TUBGCP2: variants seen among roughly 807,000 people sequenced by gnomAD.
TUBGCP2 encodes the protein tubulin gamma complex component 2.
TUBGCP2 carries 55 observed loss-of-function variants against 92.2 expected under a neutral mutation model. That is an observed-to-expected ratio of 0.60 (90% confidence interval 0.48 to 0.75). The LOEUF (loss-of-function observed/expected upper bound fraction) is 0.75, where lower values mean the gene tolerates loss of function less well. Among genes scored for constraint, TUBGCP2 ranks in the 30% least tolerant of loss-of-function variants. The probability of loss-of-function intolerance (pLI) is 0.00; values close to 1 mark genes in which losing one functional copy is unlikely to be tolerated. For synonymous variants in TUBGCP2, 533 were observed against 505.2 expected, an observed-to-expected ratio of 1.06 and a Z score of -0.74; for missense variants, 1,093 against 1,188.9, an observed-to-expected ratio of 0.92 and a Z score of 1.19.
intron 13 of TUBGCP2, 44 bp from the exon 14 acceptor site, chr10:133,284,046 C>T: frequency 6.3e-7 from 1 of 1,598,314 alleles, no homozygotes; most frequent in South Asian, 1.1e-5. Flanking sequence ...AGGACGCGGC[C>T]CCGACAGCGC....
chr10:133,307,750 GA>G (rs1209017479), intron 1 of TUBGCP2, among the ~76,000 whole-genome samples: 1 of 151,836 alleles, frequency 6.6e-6, no homozygotes, highest in African/African-American at 2.4e-5. Context: ...ATCTCCAAAA[GA>G]AAAAAAGAGA....
intron 4 of TUBGCP2, 146 bp from the exon 5 acceptor site, chr10:133,298,257 A>C: frequency 2.2e-6 from 2 of 889,830 alleles, no homozygotes; most frequent in Non-Finnish European, 1.7e-6. Flanking sequence ...TAGAAATGAA[A>C]TGCGCCTCGA....
At chr10:133,312,031 A>G (rs1848002171), upstream of TUBGCP2, 3 of 1,532,906 alleles carry the variant, frequency 2.0e-6, no homozygotes, top group East Asian at 4.7e-5. Context: ...TTTCTCTCGC[A>G]TACTCTGTTT....
chr10:133,293,229 T>C lies in TUBGCP2; in HGVS notation c.834A>G (p.Glu278=), dbSNP rs111387511. 111 of 1,613,222 alleles carry C rather than the reference T, an allele frequency of 6.9e-5. No individual in the cohort carries two copies. The highest frequency in any genetic ancestry group is 7.5e-5 in the Non-Finnish European group (89 of 1,179,806). The stretch of plus-strand genomic sequence containing the variant: ...GCCCGTACTCGAAGGAAGACTTCTC[T>C]TCAATGAACCTGGAAGAAAAGCTGT... ...ASYSAVTRFI[E]EKSSFEYGQV... Residue 278 remains glutamate, a synonymous_variant, in exon 7 of 18, where the codon GAA becomes GAG. Transcript: ENST00000252936.
Position 133,281,393 on chromosome 10 carries a change from A to G in TUBGCP2, c.2453T>C (p.Phe818Ser). The G allele has an allele frequency of 6.2e-7, 1 of 1,613,754 alleles. No individual in the cohort carries two copies. Among genetic ancestry groups the G allele is most frequent in the African/African-American group, 1.3e-5 (1 of 75,052 alleles). Reference sequence around the variant, plus strand: ...GTCAAACTTGTTGATGGTGGCCTCGAAGCCGGACACCAGCTGCACAGTGTC... The same window carrying G: ...GTCAAACTTGTTGATGGTGGCCTCGGAGCCGGACACCAGCTGCACAGTGTC... The part of the protein sequence containing the change: ...HADTVQLVSG[F>S]EATINKFDKN... The change falls in exon 17 of 18, where the codon TTC (phenylalanine) becomes TCC (serine). Residue 818 changes from phenylalanine to serine, a missense_variant. By Grantham distance (155) the Phe-to-Ser change is radical. Coordinates refer to ENST00000252936, the MANE Select transcript of TUBGCP2 (RefSeq NM_006659.4).
At position 133,279,446 on chromosome 10, in the gene TUBGCP2, C is replaced by G. The variant is rs1846909373; in HGVS notation, c.*320G>C. 1 of 322,428 alleles carries G rather than the reference C, an allele frequency of 3.1e-6. No homozygotes were observed. Among genetic ancestry groups the G allele is most frequent in the Non-Finnish European group, 5.7e-6 (1 of 175,548 alleles). The allele number at this position is 322,428 out of a possible 1,614,324, so 20.0% of individuals were successfully genotyped here. ...AAAGATGTGGACACCAGGCCTGGATCTTACCCCACATGCATCTTTGCTTGC... is the reference window on the plus strand; with the variant it reads ...AAAGATGTGGACACCAGGCCTGGATGTTACCCCACATGCATCTTTGCTTGC... On this transcript the variant is annotated 3_prime_UTR_variant, in exon 18 of 18. Coordinates refer to ENST00000252936, the MANE Select transcript of TUBGCP2 (RefSeq NM_006659.4).
intron 13 of TUBGCP2, among the ~76,000 whole-genome samples, chr10:133,284,689 G>A (rs190713560): frequency 7.2e-5 from 11 of 152,164 alleles, no homozygotes; most frequent in African/African-American, 1.9e-4. Context: ...CTCTGCCATC[G>A]ACCCCTTTTT....
upstream of TUBGCP2, chr10:133,309,888 C>T (rs1472442670): frequency 5.6e-6 from 9 of 1,613,762 alleles, no homozygotes; most frequent in Non-Finnish European, 7.6e-6. Flanking sequence ...CTTTTGCAAG[C>T]GGGCCTTCCC....
chr10:133,311,504 T>C, upstream of TUBGCP2: 1 of 523,182 alleles, frequency 1.9e-6, no homozygotes. Context: ...GTTTATAAGA[T>C]GCAGACTCTA....
At chr10:133,281,966 C>T (rs527527076) in intron 16 of TUBGCP2, among the ~76,000 whole-genome samples, 2 of 152,258 alleles carry the variant, frequency 1.3e-5, no homozygotes, top group East Asian at 1.9e-4. Flanking sequence ...CTCGCCCAGG[C>T]GCCCTGCACA....
intron 17 of TUBGCP2, 124 bp downstream of exon 17, chr10:133,281,149 G>C: frequency 1.9e-6 from 1 of 526,634 alleles, no homozygotes; most frequent in Non-Finnish European, 3.3e-6. Flanking sequence ...ACTGGGCCAG[G>C]GCGGTGTTGG....
rs571437921 is a variant in TUBGCP2 at position 133,294,690 on chromosome 10, A to T, written c.617-921T>A. On this transcript the variant is annotated intron_variant, in intron 5 of 17. Transcript: ENST00000252936. The stretch of plus-strand genomic sequence containing the variant: ...GAGGGCAGTGGTGCAATCTCAGCTC[A>T]CTGCAGCCTTGAGCACCCAGGCTCA... 1.5e-4 allele frequency among the ~76,000 whole-genome samples: 22 copies of T among 151,308 alleles called. 1 individual carries two copies. In the South Asian group the frequency reaches 3.5e-3, roughly 24 times the overall value.
Position 133,299,687 on chromosome 10 carries a change from C to T in TUBGCP2, c.280-84G>A, listed in dbSNP as rs562224163. The T allele has an allele frequency of 2.2e-5, 27 of 1,234,918 alleles. No homozygotes were observed. The African/African-American group carries it at 2.4e-4, about 11-fold the overall frequency. The allele number at this position is 1,234,918 out of a possible 1,614,324, so 76.5% of individuals were successfully genotyped here. On this transcript the variant is annotated intron_variant, in intron 3 of 17. Coordinates refer to ENST00000252936, the MANE Select transcript of TUBGCP2 (RefSeq NM_006659.4). Reference sequence around the variant, plus strand: ...GAGAGTAGGGACGACACCACCAGGACGGCTCCCCAACCCTGACAGGCACCC... The same window carrying T: ...GAGAGTAGGGACGACACCACCAGGATGGCTCCCCAACCCTGACAGGCACCC...
intron 16 of TUBGCP2, among the ~76,000 whole-genome samples, chr10:133,281,935 A>G (rs1846991282): frequency 6.6e-6 from 1 of 152,276 alleles, no homozygotes; most frequent in South Asian, 2.1e-4. Context: ...CTCAGCAGGG[A>G]CAGCGGGTGT....
In TUBGCP2 at chr10:133,300,997, C is replaced by CT. The variant is rs527799308; in HGVS notation, c.151-885dup. Among the ~76,000 whole-genome samples, 7 of 152,192 alleles carry CT rather than the reference C, an allele frequency of 4.6e-5. No individual in the cohort carries two copies. In the South Asian group the frequency reaches 1.2e-3, roughly 27 times the overall value. ...TCAGGTTTGTACTGGAGAGTAGCGA[C>CT]TTACCTTTTCCCCCCAGTAGTTTAT... is the stretch of plus-strand genomic sequence containing the variant. On this transcript the variant is annotated intron_variant, in intron 2 of 17. Coordinates refer to ENST00000252936, the MANE Select transcript of TUBGCP2 (RefSeq NM_006659.4).
intron 1 of TUBGCP2, among the ~76,000 whole-genome samples, chr10:133,305,299 T>C (rs72864796): frequency 0.03 from 3,697 of 122,742 alleles, no homozygotes; most frequent in Admixed American, 0.043. Context: ...CCTCTCTCTC[T>C]CCGCCTCGGC....
In TUBGCP2 at chr10:133,289,820, G is replaced by A. The variant is rs375240063; in HGVS notation, c.1360+4C>T. The stretch of plus-strand genomic sequence containing the variant: ...ACCCCAAGTCCCCGCCCGCTGCGCC[G>A]CACCTGTGCTGAGGATCTTGTCCGC... On this transcript the variant is annotated splice_donor_region_variant and intron_variant, in intron 9 of 17. Transcript: ENST00000252936. The A allele has an allele frequency of 6.8e-7, 1 of 1,469,860 alleles. No individual in the cohort carries two copies. The allele number at this position is 1,469,860 out of a possible 1,614,324, so 91.1% of individuals were successfully genotyped here. A position where few individuals can be genotyped will look rare whatever the true frequency, so the allele number is the denominator to read the frequency against.
Position 133,285,674 on chromosome 10 carries a change from G to A in TUBGCP2, c.1723-46C>T. The A allele has an allele frequency of 6.8e-7, 1 of 1,478,108 alleles. No individual in the cohort carries two copies. Among genetic ancestry groups the A allele is most frequent in the Non-Finnish European group, 9.0e-7 (1 of 1,115,706 alleles). 91.6% of individuals were successfully genotyped at this position (1,478,108 alleles called of 1,614,324 possible). A position where few individuals can be genotyped will look rare whatever the true frequency, so the allele number is the denominator to read the frequency against. ...ACAAAGCATCCAGTTTTAAGGAAAA[G>A]ACCCGAAGTCGCATCCCGATCGCCA... On this transcript the variant is annotated intron_variant, in intron 11 of 17. Transcript: ENST00000252936. This position sits in a 1 kb window ranked among gnomAD's most constrained non-coding sequence, Gnocchi z 6.8.
At chr10:133,280,238 T>G (rs1201928505) in intron 17 of TUBGCP2, among the ~76,000 whole-genome samples, 1 of 152,132 alleles carries the variant, frequency 6.6e-6, no homozygotes, top group African/African-American at 2.4e-5. Flanking sequence ...AGGTTTCTTC[T>G]CTCCTGGCCC....
Sources: allele counts gnomAD v4.1 joint callset (sites outside exome capture counted in the v4.1 genomes callset), GRCh38; gene constraint gnomAD v4.1.1; non-coding constraint Gnocchi (gnomAD v3.1); transcripts MANE v1.5; gene names NCBI Gene and HGNC (gene_info 2026-07-23, HGNC 2026-07-21).